Variants in SMARCC1 observed in about 807,000 individuals in gnomAD.
SMARCC1 encodes the protein SWI/SNF complex subunit SMARCC1.
A neutral mutation model predicts 147.4 loss-of-function variants in SMARCC1; 43 were observed. The observed-to-expected ratio is 0.29, with a 90% CI of 0.23 to 0.38. The LOEUF (loss-of-function observed/expected upper bound fraction) is 0.38. SMARCC1 is among the 10% of genes least tolerant of loss of function. SMARCC1 has a pLI of 1.00. For missense variants in SMARCC1, 1,119 were observed against 1,381.1 expected (o/e 0.81, Z 3.01); for synonymous variants, 495 against 484.4 (o/e 1.02, Z -0.29).
chr3:47,624,894 T>TAAAAAAAAAAAAA (rs60766054), intron 24 of SMARCC1, among the ~76,000 whole-genome samples: 1 of 111,766 alleles, frequency 8.9e-6, no homozygotes, highest in African/African-American at 3.4e-5. Flanking sequence ...TACTAAAAAT[T>TAAAAAAAAAAAAA]AAAAAAAAAA....
At chr3:47,706,656 A>G (rs2033998611) in intron 9 of SMARCC1, 126 bp from the exon 10 acceptor site, 1 of 828,584 alleles carries the variant, frequency 1.2e-6, no homozygotes. Context: ...GCAAATAAAA[A>G]GAATATCATT....
intron 2 of SMARCC1, among the ~76,000 whole-genome samples, chr3:47,757,360 A>T (rs1300663297): frequency 6.6e-6 from 1 of 152,236 alleles, no homozygotes; most frequent in Non-Finnish European, 1.5e-5. Context: ...TGGCCAATAA[A>T]TAAAGTTGCT....
intron 13 of SMARCC1, among the ~76,000 whole-genome samples, chr3:47,688,626 G>A (rs2033757887): frequency 6.6e-6 from 1 of 152,136 alleles, no homozygotes; most frequent in South Asian, 2.1e-4. Flanking sequence ...AATGATTGAG[G>A]TATCGCTACA....
intron 21 of SMARCC1, among the ~76,000 whole-genome samples, chr3:47,639,715 A>AAACC (rs58771135): frequency 0.41 from 60,863 of 148,216 alleles, 13,267 homozygotes; most frequent in Middle Eastern, 0.51. Flanking sequence ...CTACATCTCA[A>AAACC]AACCAACCAA....
chr3:47,624,077 A>G (rs1314240433), intron 24 of SMARCC1, among the ~76,000 whole-genome samples: 1 of 151,968 alleles, frequency 6.6e-6, no homozygotes, highest in African/African-American at 2.4e-5. Flanking sequence ...ATCACATGAG[A>G]TCAGGAGTTC....
intron 26 of SMARCC1, chr3:47,604,699 CT>C (rs58702136): frequency 2.1e-4 from 24 of 116,070 alleles, no homozygotes; most frequent in Admixed American, 5.4e-4. Context: ...TACTGTTGTT[CT>C]TTTTTTTTTT....
At chr3:47,658,863 T>C (rs907733485) in intron 21 of SMARCC1, among the ~76,000 whole-genome samples, 4 of 152,136 alleles carry the variant, frequency 2.6e-5, no homozygotes, top group African/African-American at 9.7e-5. Context: ...CTTACACCTG[T>C]AATCCCAACA....
At chr3:47,731,780 G>A (rs1324524978) in intron 5 of SMARCC1, among the ~76,000 whole-genome samples, 1 of 152,176 alleles carries the variant, frequency 6.6e-6, no homozygotes, top group Non-Finnish European at 1.5e-5. Context: ...AAAGTATTCA[G>A]TAAACCATAC....
intron 14 of SMARCC1, among the ~76,000 whole-genome samples, chr3:47,685,483 G>C (rs1438576627): frequency 6.6e-6 from 1 of 151,134 alleles, no homozygotes; most frequent in Admixed American, 6.6e-5. Flanking sequence ...AAATGAGTTA[G>C]ATTCAAGCTT....
At chr3:47,610,524 C>T (rs1184799596) in intron 25 of SMARCC1, 197 bp from the exon 26 acceptor site, 1 of 619,120 alleles carries the variant, frequency 1.6e-6, no homozygotes, top group Non-Finnish European at 2.8e-6. Flanking sequence ...ACATCTGTTA[C>T]CATGGTCAAA....
chr3:47,753,440 G>A (rs984020743), intron 2 of SMARCC1, among the ~76,000 whole-genome samples: 1 of 151,558 alleles, frequency 6.6e-6, no homozygotes, highest in African/African-American at 2.4e-5. Flanking sequence ...TAGGCCGGGT[G>A]CGATGGCTCA....
chr3:47,636,503 G>A (rs1056801314), intron 22 of SMARCC1, among the ~76,000 whole-genome samples: 2 of 152,184 alleles, frequency 1.3e-5, no homozygotes, highest in African/African-American at 4.8e-5. Flanking sequence ...AATCCCAGCA[G>A]TCTGGGAGGC....
rs9865443 is a variant in SMARCC1, at chr3:47,760,551, A to G, written c.315+12266T>C. On this transcript the variant is annotated intron_variant, in intron 2 of 27. Coordinates refer to ENST00000254480, the MANE Select transcript of SMARCC1 (RefSeq NM_003074.4). ...GTGGCGCATGCCTGTAATCCCAGCT[A>G]CTGGGGAGGCTGAGGCAGGAGAATC... Among the ~76,000 whole-genome samples the G allele has an allele frequency of 4.4e-3, 669 of 152,148 alleles. 4 individuals are homozygous for G. Among genetic ancestry groups the G allele is most frequent in the South Asian group, 0.031 (151 of 4,816 alleles).
chr3:47,650,935 T>A (rs1015259229), intron 21 of SMARCC1, among the ~76,000 whole-genome samples: 5 of 152,206 alleles, frequency 3.3e-5, no homozygotes, highest in African/African-American at 1.2e-4. Context: ...GTTATCTGCA[T>A]AATAAATCAA....
At position 47,588,298 on chromosome 3, in the gene SMARCC1, G is replaced by T; in HGVS notation, c.3229C>A (p.Pro1077Thr). Reference sequence around the variant, plus strand: ...GGTGGCGGTGGCTGCTGCTGTGGTGGAGGGGGATCTGCAAACATATCCAAG... The same window carrying T: ...GGTGGCGGTGGCTGCTGCTGTGGTGTAGGGGGATCTGCAAACATATCCAAG... ...LTAPNGMYPP[P>T]PQQQPPPPPP... The change falls in exon 28 of 28, where the codon CCA (proline) becomes ACA (threonine). Residue 1077 changes from proline (P) to threonine (T), a missense_variant. Pro to Thr is a conservative substitution (Grantham distance 38). Transcript: ENST00000254480. 1 of 1,613,836 alleles carries T rather than the reference G, an allele frequency of 6.2e-7. No individual in the cohort carries two copies. The highest frequency in any genetic ancestry group is 8.5e-7 in the Non-Finnish European group (1 of 1,179,806).
chr3:47,720,477 C>T (rs2034217464), intron 7 of SMARCC1, among the ~76,000 whole-genome samples, 189 bp downstream of exon 7: 1 of 152,064 alleles, frequency 6.6e-6, no homozygotes, highest in South Asian at 2.1e-4. Context: ...ATTCATTCAC[C>T]ATTTAATGGT....
chr3:47,697,993 G>C (rs1252061652), intron 11 of SMARCC1, among the ~76,000 whole-genome samples: 2 of 97,534 alleles, frequency 2.1e-5, no homozygotes, highest in African/African-American at 3.9e-5. Flanking sequence ...GGGCGAGAGC[G>C]AGCCTCCGCC....
intron 16 of SMARCC1, among the ~76,000 whole-genome samples, chr3:47,677,194 G>C (rs1372749531): frequency 6.6e-6 from 1 of 151,922 alleles, no homozygotes; most frequent in Non-Finnish European, 1.5e-5. Context: ...CCGCATCCTT[G>C]GTTCAAGAGA....
Position 47,772,882 on chromosome 3 carries a change from G to A in SMARCC1, c.250C>T (p.Leu84Phe). The A allele has an allele frequency of 6.2e-7, 1 of 1,613,640 alleles. No homozygotes were observed. The highest frequency in any genetic ancestry group is 8.5e-7 in the Non-Finnish European group (1 of 1,179,686). ...AAGGCATCTTCCTGGAACTGAAGAA[G>A]CTGCACCACCAGCCCAGCCAGTGTT... is the stretch of plus-strand genomic sequence containing the variant. ...NKTLAGLVVQ[L>F]LQFQEDAFGK... The change falls in exon 2 of 28, where the codon CTT becomes TTT. Residue 84 changes from leucine (L) to phenylalanine (F), a missense_variant. Transcript: ENST00000254480.
Sources: gnomAD v4.1 joint callset for allele counts (sites outside exome capture counted in the v4.1 genomes callset) on GRCh38, gnomAD v4.1.1 for gene constraint, MANE v1.5 for transcripts, NCBI Gene and HGNC (gene_info 2026-07-23, HGNC 2026-07-21) for gene names.